The following STT3B variants were observed in gnomAD, a reference collection of about 807,000 sequenced individuals.
STT3B encodes dolichyl-diphosphooligosaccharide--protein glycosyltransferase subunit STT3B.
Under a neutral mutation model 96.8 loss-of-function variants are expected in STT3B, and 29 were observed. The observed-to-expected ratio is 0.30, with a 90% CI of 0.22 to 0.41. STT3B has a LOEUF of 0.41. Among genes scored for constraint, STT3B ranks in the 10% least tolerant of loss-of-function variants. The pLI is 1.00. For synonymous variants in STT3B, 367 were observed against 360.0 expected (o/e 1.02, Z -0.22); for missense variants, 640 against 1,022.3 (o/e 0.63, Z 5.10).
intron 1 of STT3B, among the ~76,000 whole-genome samples, chr3:31,547,764 A>G (rs1697451366): frequency 6.6e-6 from 1 of 152,232 alleles, no homozygotes; most frequent in African/African-American, 2.4e-5. Flanking sequence ...ACAAGTACAA[A>G]AAGACAATAA....
intron 1 of STT3B, among the ~76,000 whole-genome samples, chr3:31,538,143 A>G (rs896013504): frequency 6.6e-6 from 1 of 152,174 alleles, no homozygotes; most frequent in African/African-American, 2.4e-5. Flanking sequence ...CCTAGATTCT[A>G]CAATTAATAT....
rs1396087991 is a variant in STT3B, at chr3:31,636,726, A to G, written c.*662A>G. The G allele has an allele frequency of 6.6e-6, 1 of 152,188 alleles. No individual in the cohort carries two copies. Among genetic ancestry groups the G allele is most frequent in the Non-Finnish European group, 1.5e-5 (1 of 68,022 alleles). The allele number at this position is 152,188 out of a possible 1,614,324, so 9.4% of individuals were successfully genotyped here. On this transcript the variant is annotated 3_prime_UTR_variant, in exon 16 of 16. Transcript: ENST00000295770. The stretch of plus-strand genomic sequence containing the variant: ...ATGTTGACACATTATTACTGCTGTT[A>G]GCAGTCGTTTTCACCAGGTACTTAC...
chr3:31,631,590 A>G (rs940045698), intron 14 of STT3B, among the ~76,000 whole-genome samples: 15 of 152,188 alleles, frequency 9.9e-5, no homozygotes, highest in South Asian at 2.1e-4. Flanking sequence ...TTTTGCTATC[A>G]TATAGATAAG....
intron 1 of STT3B, among the ~76,000 whole-genome samples, chr3:31,570,396 C>T (rs1329715573): frequency 1.3e-5 from 2 of 151,980 alleles, no homozygotes; most frequent in Non-Finnish European, 2.9e-5. Context: ...TTAAGGTAGA[C>T]TGGGAGGAGG....
chr3:31,589,279 C>G (rs1018520243), intron 3 of STT3B, among the ~76,000 whole-genome samples: 1 of 151,996 alleles, frequency 6.6e-6, no homozygotes, highest in African/African-American at 2.4e-5. Context: ...GTTTAACTTT[C>G]ATGTATTAAC....
In STT3B at chr3:31,615,216, T is replaced by C. The variant is rs745544660; in HGVS notation, c.976+13T>C. 2.5e-6 allele frequency: 4 copies of C among 1,572,196 alleles called. No individual in the cohort carries two copies. The highest frequency in any genetic ancestry group is 2.3e-5 in the South Asian group (2 of 88,300). ...ATGGCAGCTGCAGGTATGAAAAATATATATTTTCCTTCTTCTAAAGAATAT... is the reference window on the plus strand; with the variant it reads ...ATGGCAGCTGCAGGTATGAAAAATACATATTTTCCTTCTTCTAAAGAATAT... On this transcript the variant is annotated intron_variant, in intron 6 of 15. Transcript: ENST00000295770.
At chr3:31,582,554 A>G (rs1447035677) in intron 3 of STT3B, among the ~76,000 whole-genome samples, 3 of 151,658 alleles carry the variant, frequency 2.0e-5, no homozygotes, top group African/African-American at 7.3e-5. Flanking sequence ...CGGCCTCCCA[A>G]AGTGCTAGGT....
chr3:31,628,323 T>G (rs1287127410), intron 13 of STT3B, among the ~76,000 whole-genome samples: 1 of 152,210 alleles, frequency 6.6e-6, no homozygotes, highest in African/African-American at 2.4e-5. Context: ...TAATATGTCT[T>G]GGTGATTTTT....
chr3:31,616,379 C>G (rs201125391), intron 6 of STT3B, among the ~76,000 whole-genome samples: 1 of 151,460 alleles, frequency 6.6e-6, no homozygotes, highest in African/African-American at 2.4e-5. Flanking sequence ...AGAGAGACTT[C>G]CCAGTTTCTG....
intron 8 of STT3B, among the ~76,000 whole-genome samples, chr3:31,619,273 A>T (rs1699379057): frequency 6.6e-6 from 1 of 152,182 alleles, no homozygotes; most frequent in Non-Finnish European, 1.5e-5. Context: ...CTAAAATCTG[A>T]AACACTGCTG....
At chr3:31,602,552 T>A (rs2125464614) in intron 5 of STT3B, among the ~76,000 whole-genome samples, 1 of 152,184 alleles carries the variant, frequency 6.6e-6, no homozygotes, top group East Asian at 1.9e-4. Context: ...GGAAGTATAT[T>A]CTACATAAAA....
rs373532133 is a variant in STT3B at position 31,629,333 on chromosome 3, T to C, written c.2109T>C (p.Arg703=). 25 of 1,610,540 alleles carry C rather than the reference T, an allele frequency of 1.6e-5. No homozygotes were observed. The African/African-American group carries it at 3.1e-4, about 20-fold the overall frequency. ...ATTTTACCCCACAGGGAGAATTCCG[T>C]GTAGACAAAGCAGGATCCCCTACTT... ...SDYFTPQGEF[R]VDKAGSPTLL... The change falls in exon 14 of 16, where the codon CGT becomes CGC. Residue 703 remains arginine (R), a synonymous_variant. Transcript: ENST00000295770.
chr3:31,566,063 C>G (rs564225802), intron 1 of STT3B, among the ~76,000 whole-genome samples: 1 of 152,118 alleles, frequency 6.6e-6, no homozygotes, highest in South Asian at 2.1e-4. Context: ...TACAAAAGCC[C>G]CATATATAAA....
intron 13 of STT3B, among the ~76,000 whole-genome samples, chr3:31,626,870 C>T (rs1050739292): frequency 6.6e-6 from 1 of 152,028 alleles, no homozygotes; most frequent in African/African-American, 2.4e-5. Flanking sequence ...GAATGTAAGC[C>T]TCTTTATGTT....
intron 14 of STT3B, among the ~76,000 whole-genome samples, chr3:31,630,267 C>CT (rs977585542): frequency 1.3e-5 from 2 of 152,344 alleles, no homozygotes; most frequent in South Asian, 2.1e-4. Context: ...GGAGACAACT[C>CT]TAAGACTCTT....
intron 1 of STT3B, among the ~76,000 whole-genome samples, chr3:31,563,139 T>A (rs978468099): frequency 2.6e-5 from 4 of 152,194 alleles, no homozygotes; most frequent in African/African-American, 9.7e-5. Context: ...CCATCACTAC[T>A]CTCTTGAATT....
intron 1 of STT3B, among the ~76,000 whole-genome samples, chr3:31,569,117 C>T (rs761980614): frequency 6.6e-5 from 10 of 152,042 alleles, no homozygotes; most frequent in Non-Finnish European, 1.2e-4. Flanking sequence ...TCAAGTGATC[C>T]GCCTGCCTTA....
At chr3:31,616,717 C>T (rs1287965770) in intron 6 of STT3B, among the ~76,000 whole-genome samples, 1 of 148,174 alleles carries the variant, frequency 6.7e-6, no homozygotes, top group Non-Finnish European at 1.5e-5. Flanking sequence ...TGTAAGGAGT[C>T]TGATCATTTA....
At chr3:31,547,218 T>C (rs948312945) in intron 1 of STT3B, among the ~76,000 whole-genome samples, 1 of 152,152 alleles carries the variant, frequency 6.6e-6, no homozygotes, top group Non-Finnish European at 1.5e-5. Context: ...CAATTTTTTT[T>C]CCCTAAATTA....
Sources: allele counts gnomAD v4.1 joint callset (sites outside exome capture counted in the v4.1 genomes callset), GRCh38; gene constraint gnomAD v4.1.1; transcripts MANE v1.5; gene names NCBI Gene and HGNC (gene_info 2026-07-23, HGNC 2026-07-21).